KPNB1: variants seen among roughly 807,000 people sequenced by gnomAD.
KPNB1 encodes importin subunit beta-1.
In KPNB1, 7 loss-of-function variants were observed where a neutral mutation model predicts 113.0. The ratio of observed to expected loss-of-function variants is 0.06; its 90% confidence interval spans 0.04 to 0.12. The LOEUF (loss-of-function observed/expected upper bound fraction) is 0.12. Ranked by LOEUF, KPNB1 falls within the 10% of genes least tolerant of loss-of-function variation. The pLI is 1.00. For missense variants in KPNB1, 400 were observed against 1,054.8 expected, an observed-to-expected ratio of 0.38 and a Z score of 8.60; for synonymous variants, 363 against 378.6, an observed-to-expected ratio of 0.96 and a Z score of 0.48.
intron 21 of KPNB1, 43 bp downstream of exon 21, chr17:47,680,712 AGGAGGG>A (rs752962988): frequency 3.3e-4 from 529 of 1,581,770 alleles, no homozygotes; most frequent in Non-Finnish European, 4.4e-4. Flanking sequence ...TACTTCCTGG[AGGAGGG>A]GGGTATGTTT....
chr17:47,681,706 T>TG (rs2030790724), intron 21 of KPNB1, among the ~76,000 whole-genome samples: 2 of 145,836 alleles, frequency 1.4e-5, no homozygotes, highest in African/African-American at 2.5e-5. Flanking sequence ...TTTTTTTTTT[T>TG]TTTTTGTATT....
rs2030568124 is a variant in KPNB1, at chr17:47,675,361, G to GTTTTTGTTTTTTTTTTTTTTTTT, written c.1912+584_1912+585insGTTTTTTTTTTTTTTTTTTTTTT. Among the ~76,000 whole-genome samples, 7 of 88,692 alleles carry GTTTTTGTTTTTTTTTTTTTTTTT rather than the reference G, an allele frequency of 7.9e-5. No homozygotes were observed. The East Asian group carries it at 1.5e-3, about 18-fold the overall frequency. 58.2% of individuals were successfully genotyped at this position (88,692 alleles called of 152,430 possible). A position where few individuals can be genotyped will look rare whatever the true frequency, so the allele number is the denominator to read the frequency against. On this transcript the variant is annotated intron_variant, in intron 15 of 21. Transcript: ENST00000290158. ...TGCAACGGAGATTGGCAGAGGTGTT[G>GTTTTTGTTTTTTTTTTTTTTTTT]TTTTTTTTTTGTTTTTTTTTTTTGT...
intron 15 of KPNB1, among the ~76,000 whole-genome samples, chr17:47,675,600 G>C (rs1474685482): frequency 6.6e-6 from 1 of 151,820 alleles, no homozygotes; most frequent in East Asian, 1.9e-4. Flanking sequence ...GTAGTGCTTT[G>C]GACTAAGATT....
chr17:47,650,103 G>C lies in KPNB1; in HGVS notation c.-142G>C. On this transcript the variant is annotated 5_prime_UTR_variant, in exon 1 of 22. Coordinates refer to ENST00000290158, the MANE Select transcript of KPNB1 (RefSeq NM_002265.6). ...CGGACCGACTACCCAGACAGAGCCG[G>C]TGAATGGGTTTGTGGTGACCCCCGC... 7.2e-7 allele frequency: 1 copy of C among 1,396,838 alleles called. No homozygotes were observed. Among genetic ancestry groups the C allele is most frequent in the Non-Finnish European group, 9.3e-7 (1 of 1,079,230 alleles). The allele number at this position is 1,396,838 out of a possible 1,614,324, so 86.5% of individuals were successfully genotyped here.
Position 47,674,729 on chromosome 17 carries a change from G to C in KPNB1, c.1859G>C (p.Gly620Ala). The C allele has an allele frequency of 6.2e-7, 1 of 1,614,160 alleles. No homozygotes were observed. The highest frequency in any genetic ancestry group is 8.5e-7 in the Non-Finnish European group (1 of 1,180,012). ...TTAAGGATGTTCCAAAGCACAGCTGGGTCTGGGGGAGTACAAGAGGATGCC... is the reference window on the plus strand; with the variant it reads ...TTAAGGATGTTCCAAAGCACAGCTGCGTCTGGGGGAGTACAAGAGGATGCC... ...SLLRMFQSTA[G>A]SGGVQEDALM... is the part of the protein sequence containing the mutation. The change falls in exon 15 of 22, where the codon GGG becomes GCG. Residue 620 changes from glycine to alanine, a missense_variant. Coordinates refer to ENST00000290158, the MANE Select transcript of KPNB1 (RefSeq NM_002265.6).
In KPNB1 at chr17:47,678,412, C is replaced by T. The variant is rs756020741; in HGVS notation, c.2352C>T (p.His784=). The change falls in exon 19 of 22, where the codon CAC becomes CAT. Residue 784 remains histidine (H), a splice_region_variant and synonymous_variant. Transcript: ENST00000290158. ...QGLKGDQENV[H]PDVMLVQPRV... ...TAAAGGGGGATCAGGAGAACGTACA[C>T]CGTTGAGTATACAACCCAGTTCCCT... 2.5e-6 allele frequency: 4 copies of T among 1,607,012 alleles called. No homozygotes were observed. The highest frequency in any genetic ancestry group is 8.5e-7 in the Non-Finnish European group (1 of 1,173,576).
In KPNB1 at chr17:47,650,152, AC is replaced by A; in HGVS notation, c.-90del. The A allele has an allele frequency of 3.6e-6, 1 of 275,178 alleles. No individual in the cohort carries two copies. Among genetic ancestry groups the A allele is most frequent in the Non-Finnish European group, 4.4e-6 (1 of 229,714 alleles). 17.0% of individuals were successfully genotyped at this position (275,178 alleles called of 1,614,324 possible). On this transcript the variant is annotated 5_prime_UTR_variant, in exon 1 of 22. Coordinates refer to ENST00000290158, the MANE Select transcript of KPNB1 (RefSeq NM_002265.6). ...GCCCCCCACCCCACCCTCCCTTCCC[AC>A]CCGACCCCCAACCCCCATCCCCAGT...
At chr17:47,670,202 G>A in intron 11 of KPNB1, 1 of 285,824 alleles carries the variant, frequency 3.5e-6, no homozygotes, top group East Asian at 5.9e-5. Context: ...TTGCTGAGTA[G>A]AGGGCAAGAG....
chr17:47,670,974 C>G (rs989140236), intron 12 of KPNB1, 142 bp downstream of exon 12: 20 of 787,826 alleles, frequency 2.5e-5, no homozygotes, highest in Non-Finnish European at 3.6e-5. Context: ...AAAAGAAACC[C>G]GCTGGGCGCG....
At chr17:47,657,596 A>G (rs952276131) in intron 4 of KPNB1, among the ~76,000 whole-genome samples, 6 of 152,192 alleles carry the variant, frequency 3.9e-5, no homozygotes, top group Non-Finnish European at 8.8e-5. Flanking sequence ...GACTCCCTAG[A>G]TGTGCCTAGG....
rs893649660 is a variant in KPNB1, at chr17:47,651,049, CT to C, written c.99+617del. The C allele has an allele frequency of 9.0e-3, 1,607 of 177,702 alleles. 1 individual carries two copies. Among genetic ancestry groups the C allele is most frequent in the Middle Eastern group, 0.022 (8 of 366 alleles). The allele number at this position is 177,702 out of a possible 1,614,324, so 11.0% of individuals were successfully genotyped here. A position where few individuals can be genotyped will look rare whatever the true frequency, so the allele number is the denominator to read the frequency against. On this transcript the variant is annotated intron_variant, in intron 2 of 21. Coordinates refer to ENST00000290158, the MANE Select transcript of KPNB1 (RefSeq NM_002265.6). The stretch of plus-strand genomic sequence containing the variant: ...TGGGGTTTTTTCTTTTTCTTTCTTT[CT>C]TTTTTTTTTTTCTTCTGACCTGGAT...
intron 3 of KPNB1, among the ~76,000 whole-genome samples, chr17:47,656,516 GA>G (rs2029912967): frequency 6.6e-6 from 1 of 151,626 alleles, no homozygotes; most frequent in Non-Finnish European, 1.5e-5. Flanking sequence ...CTCCACCCTG[GA>G]CAACTGACTG....
At chr17:47,658,945 G>A (rs941627934) in intron 5 of KPNB1, among the ~76,000 whole-genome samples, 1 of 152,090 alleles carries the variant, frequency 6.6e-6, no homozygotes, top group African/African-American at 2.4e-5. Flanking sequence ...AGGGCATGGT[G>A]GTGCATACTG....
intron 19 of KPNB1, 193 bp downstream of exon 19, chr17:47,678,606 T>G (rs2030681441): frequency 3.5e-6 from 2 of 568,158 alleles, no homozygotes; most frequent in South Asian, 4.3e-5. Context: ...GCTCTGCTTC[T>G]TCTTTCTTTT....
chr17:47,666,700 C>T (rs2030298789), intron 9 of KPNB1, among the ~76,000 whole-genome samples: 1 of 150,966 alleles, frequency 6.6e-6, no homozygotes. Flanking sequence ...CTCACTGTAG[C>T]CTCCGCCTCC....
chr17:47,650,152 A>AGCCCCCCCCCC lies in KPNB1; in HGVS notation c.-93_-92insGCCCCCCCCCC. On this transcript the variant is annotated 5_prime_UTR_variant, in exon 1 of 22. Transcript: ENST00000290158. ...GCCCCCCACCCCACCCTCCCTTCCC[A>AGCCCCCCCCCC]CCCGACCCCCAACCCCCATCCCCAG... is the stretch of plus-strand genomic sequence containing the variant. The AGCCCCCCCCCC allele has an allele frequency of 3.6e-6, 1 of 275,176 alleles. No individual in the cohort carries two copies. The highest frequency in any genetic ancestry group is 4.4e-6 in the Non-Finnish European group (1 of 229,714). 17.0% of individuals were successfully genotyped at this position (275,176 alleles called of 1,614,324 possible). A position where few individuals can be genotyped will look rare whatever the true frequency, so the allele number is the denominator to read the frequency against.
rs1328236690 is a variant in KPNB1 at position 47,683,113 on chromosome 17, A to AC, written c.*709_*710insC. The AC allele has an allele frequency of 3.4e-5, 5 of 147,568 alleles. No individual in the cohort carries two copies. Among genetic ancestry groups the AC allele is most frequent in the East Asian group, 2.0e-4 (1 of 5,100 alleles). The allele number at this position is 147,568 out of a possible 1,614,324, so 9.1% of individuals were successfully genotyped here. A position where few individuals can be genotyped will look rare whatever the true frequency, so the allele number is the denominator to read the frequency against. On this transcript the variant is annotated 3_prime_UTR_variant, in exon 22 of 22. Coordinates refer to ENST00000290158, the MANE Select transcript of KPNB1 (RefSeq NM_002265.6). Reference sequence around the variant, plus strand: ...TGTAAAAAAAAAAAAAAAAAAAAAAAAAAAAACACACACACAGAGGAAAGA... The same window carrying AC: ...TGTAAAAAAAAAAAAAAAAAAAAAAACAAAAAACACACACACAGAGGAAAGA...
intron 8 of KPNB1, 24 bp downstream of exon 8, chr17:47,664,293 CTGAA>C: frequency 7.2e-7 from 1 of 1,384,086 alleles, no homozygotes; most frequent in Non-Finnish European, 1.0e-6. Flanking sequence ...AACTATTACT[CTGAA>C]TACGCTTTGG....
rs557489387 is a variant in KPNB1 at position 47,671,481 on chromosome 17, A to G, written c.1547+649A>G. ...TACAAGAGAAATGATAGTACTCATT[A>G]TGAATTTGATTGCCACACCAAATCA... is the stretch of plus-strand genomic sequence containing the variant. On this transcript the variant is annotated intron_variant, in intron 12 of 21. Transcript: ENST00000290158. Among the ~76,000 whole-genome samples, 43 of 152,038 alleles carry G rather than the reference A, an allele frequency of 2.8e-4. 1 individual carries two copies. The highest frequency in any genetic ancestry group is 6.8e-3 in the Middle Eastern group (2 of 294).
Sources: gnomAD v4.1 joint callset for allele counts (sites outside exome capture counted in the v4.1 genomes callset) on GRCh38, gnomAD v4.1.1 for gene constraint, MANE v1.5 for transcripts, NCBI Gene and HGNC (gene_info 2026-07-23, HGNC 2026-07-21) for gene names.